The following HRH2 variants were observed in gnomAD, a reference collection of about 807,000 sequenced individuals.
HRH2 encodes the protein histamine receptor H2.
Under a neutral mutation model 20.1 loss-of-function variants are expected in HRH2, and 4 were observed. That is an observed-to-expected ratio of 0.20 (90% CI 0.10 to 0.45). The LOEUF is 0.45. HRH2 is among the 20% of genes least tolerant of loss of function. The pLI is 0.99. For synonymous variants in HRH2, 197 were observed against 200.7 expected (o/e 0.98, Z 0.16); for missense variants, 250 against 461.6 (o/e 0.54, Z 4.20).
chr5:175,669,005 T>A (rs1404890840), intron 1 of HRH2, among the ~76,000 whole-genome samples: 1 of 152,182 alleles, frequency 6.6e-6, no homozygotes, highest in Non-Finnish European at 1.5e-5. Flanking sequence ...TTTTGTGAGA[T>A]GGGGTCTCCT....
chr5:175,680,485 C>G (rs1048588551), intron 1 of HRH2, among the ~76,000 whole-genome samples: 1 of 152,176 alleles, frequency 6.6e-6, no homozygotes, highest in African/African-American at 2.4e-5. Context: ...TTTCTGTACA[C>G]CTCAGGGATA....
At chr5:175,660,402 G>GGA (rs1762705831) in intron 1 of HRH2, among the ~76,000 whole-genome samples, 3 of 152,216 alleles carry the variant, frequency 2.0e-5, no homozygotes, top group Non-Finnish European at 4.4e-5. Context: ...ACGCCCATGT[G>GGA]ACCACCAAAA....
rs1283487518 is a variant in HRH2 at position 175,683,056 on chromosome 5, A to G, written c.-178A>G. The G allele has an allele frequency of 5.6e-6, 4 of 709,384 alleles. No homozygotes were observed. The highest frequency in any genetic ancestry group is 9.4e-6 in the Non-Finnish European group (4 of 424,356). 43.9% of individuals were successfully genotyped at this position (709,384 alleles called of 1,614,324 possible). On this transcript the variant is annotated 5_prime_UTR_variant, in exon 2 of 3. Transcript: ENST00000636584. ...TAATTTATTTCTAGAAAAGCAGCCC[A>G]GAGTCAGTCATTGAAGCCTTCCCCA...
chr5:175,663,444 T>G (rs772700217), intron 1 of HRH2, among the ~76,000 whole-genome samples: 4 of 152,208 alleles, frequency 2.6e-5, no homozygotes, highest in Non-Finnish European at 5.9e-5. Context: ...TGTTGGCCAT[T>G]TGTGTATCTT....
In HRH2 at chr5:175,683,112, A is replaced by AAATGG; in HGVS notation, c.-122_-121insAATGG. ...TGGCCAAAAAAAAAAAAAAAAAAAAACTGGACACATTTTGGATCTGTTGGG... is the reference window on the plus strand; with the variant it reads ...TGGCCAAAAAAAAAAAAAAAAAAAAAAATGGCTGGACACATTTTGGATCTGTTGGG... On this transcript the variant is annotated 5_prime_UTR_variant, in exon 2 of 3. In the 5' UTR this introduces an upstream ATG that the reference lacks. Coordinates refer to ENST00000636584, the MANE Select transcript of HRH2 (RefSeq NM_001367711.1). 8.3e-7 allele frequency: 1 copy of AAATGG among 1,207,488 alleles called. No individual in the cohort carries two copies. 74.8% of individuals were successfully genotyped at this position (1,207,488 alleles called of 1,614,324 possible). A position where few individuals can be genotyped will look rare whatever the true frequency, so the allele number is the denominator to read the frequency against.
intron 1 of HRH2, 150 bp from the exon 2 acceptor site, chr5:175,682,559 A>G (rs1455639166): frequency 6.6e-6 from 1 of 152,418 alleles, no homozygotes; most frequent in Non-Finnish European, 1.5e-5. Context: ...TGATTGCCCA[A>G]GTCCCTCCCA....
rs757833287 is a variant in HRH2, at chr5:175,681,846, G to A, written c.-525-863G>A. The stretch of plus-strand genomic sequence containing the variant: ...CCTGCTGACCTGGATGTGGGATCAC[G>A]TGTTCTGCCAAGTAAGACCAGTAAG... On this transcript the variant is annotated intron_variant, in intron 1 of 2. Coordinates refer to ENST00000636584, the MANE Select transcript of HRH2 (RefSeq NM_001367711.1). This position sits in a 1 kb window ranked among gnomAD's most constrained non-coding sequence, Gnocchi z 4.3. Among the ~76,000 whole-genome samples, 23 of 152,206 alleles carry A rather than the reference G, an allele frequency of 1.5e-4. No homozygotes were observed. Among genetic ancestry groups the A allele is most frequent in the Admixed American group, 7.2e-4 (11 of 15,286 alleles).
rs552623741 is a variant in HRH2 at position 175,686,257 on chromosome 5, T to C, written c.1076+1948T>C. 5 of 152,388 alleles carry C rather than the reference T, an allele frequency of 3.3e-5. No homozygotes were observed. The highest frequency in any genetic ancestry group is 1.2e-4 in the African/African-American group (5 of 41,590). 9.4% of individuals were successfully genotyped at this position (152,388 alleles called of 1,614,324 possible). On this transcript the variant is annotated intron_variant, in intron 2 of 2. Coordinates refer to ENST00000636584, the MANE Select transcript of HRH2 (RefSeq NM_001367711.1). This position sits in a 1 kb window ranked among gnomAD's most constrained non-coding sequence, Gnocchi z 4.7. Reference sequence around the variant, plus strand: ...TTCAGCTAGAAGGTGGTTGCCACTCTTGGGTTTAGTCTTGTATATCACTTT... The same window carrying C: ...TTCAGCTAGAAGGTGGTTGCCACTCCTGGGTTTAGTCTTGTATATCACTTT...
chr5:175,663,362 G>C (rs1164301293), intron 1 of HRH2, among the ~76,000 whole-genome samples: 1 of 152,188 alleles, frequency 6.6e-6, no homozygotes, highest in Non-Finnish European at 1.5e-5. Context: ...TTGTGGGTGT[G>C]AAGTCGTGTC....
chr5:175,659,147 G>T (rs1346689336), intron 1 of HRH2, among the ~76,000 whole-genome samples: 1 of 152,156 alleles, frequency 6.6e-6, no homozygotes, highest in Non-Finnish European at 1.5e-5. Context: ...AATGTGGGGG[G>T]CCCAGAAGCT....
Position 175,683,607 on chromosome 5 carries a change from G to A in HRH2, c.374G>A (p.Arg125Gln), listed in dbSNP as rs749818733. The change falls in exon 2 of 3, where the codon CGG becomes CAG. Residue 125 changes from arginine to glutamine, a missense_variant. Arg to Gln is a conservative substitution (Grantham distance 43, BLOSUM62 1). Around this residue, in one of 5 missense-constraint regions of HRH2, gnomAD observed 86 missense variants for 176.4 expected, o/e 0.49. Transcript: ENST00000636584. ...DRYCAVMDPL[R>Q]YPVLVTPVRV... ...TACTGCGCTGTCATGGACCCACTGC[G>A]GTACCCTGTGCTGGTCACCCCAGTT... is the stretch of plus-strand genomic sequence containing the variant. The A allele has an allele frequency of 1.3e-5, 21 of 1,613,978 alleles. No homozygotes were observed. The highest frequency in any genetic ancestry group is 1.6e-4 in the Middle Eastern group (1 of 6,084).
At chr5:175,669,484 C>T (rs1364889869) in intron 1 of HRH2, among the ~76,000 whole-genome samples, 2 of 152,002 alleles carry the variant, frequency 1.3e-5, no homozygotes, top group African/African-American at 4.8e-5. Context: ...CTGCCTCAGC[C>T]TCCTGAGTAG....
intron 2 of HRH2, among the ~76,000 whole-genome samples, chr5:175,703,629 A>G (rs999120135): frequency 2.0e-5 from 3 of 152,326 alleles, no homozygotes; most frequent in Admixed American, 1.3e-4. Context: ...CAACAAAACC[A>G]AACTTTAGTA....
rs910983815 is a variant in HRH2 at position 175,709,393 on chromosome 5, C to G, written c.*1422C>G. The G allele has an allele frequency of 1.3e-5, 2 of 152,240 alleles. No individual in the cohort carries two copies. The highest frequency in any genetic ancestry group is 2.9e-5 in the Non-Finnish European group (2 of 68,066). The allele number at this position is 152,240 out of a possible 1,614,324, so 9.4% of individuals were successfully genotyped here. A position where few individuals can be genotyped will look rare whatever the true frequency, so the allele number is the denominator to read the frequency against. On this transcript the variant is annotated 3_prime_UTR_variant, in exon 3 of 3. Transcript: ENST00000636584. ...GGCACGAGGTTTGGTTATGAAATCA[C>G]TCACAGATTTATAACTGCAGGCTTG...
intron 2 of HRH2, among the ~76,000 whole-genome samples, chr5:175,702,281 G>T (rs376739227): frequency 2.0e-5 from 3 of 151,632 alleles, no homozygotes; most frequent in East Asian, 3.9e-4. Context: ...GAAAAAAATG[G>T]GACAAATTTA....
intron 2 of HRH2, among the ~76,000 whole-genome samples, chr5:175,690,164 A>G (rs1199055704): frequency 1.3e-5 from 2 of 151,114 alleles, no homozygotes; most frequent in African/African-American, 2.4e-5. Flanking sequence ...TTTGCATTAC[A>G]CCCAGGGCAG....
rs1420918531 is a variant in HRH2, at chr5:175,684,305, G to C, written c.1072G>C (p.Asp358His). 18 of 1,613,706 alleles carry C rather than the reference G, an allele frequency of 1.1e-5. No homozygotes were observed. The highest frequency in any genetic ancestry group is 1.4e-5 in the Non-Finnish European group (16 of 1,179,864). The change falls in exon 2 of 3, where the codon GAC (aspartate) becomes CAC (histidine). Residue 358 changes from aspartate to histidine, a missense_variant. Coordinates refer to ENST00000636584, the MANE Select transcript of HRH2 (RefSeq NM_001367711.1). ...AGTCACGGCCCCCCAGGGAGCCACA[G>C]ACAGGTAATAGCCCTAGCCATTGGT... ...TEVTAPQGAT[D>H]RKPALSCTTC...
chr5:175,660,260 A>G (rs1258808529), intron 1 of HRH2, among the ~76,000 whole-genome samples: 1 of 152,250 alleles, frequency 6.6e-6, no homozygotes, highest in East Asian at 1.9e-4. Context: ...TTGCCAAAAA[A>G]TGTTTTAAAG....
chr5:175,696,142 G>A (rs1756568619), intron 2 of HRH2, among the ~76,000 whole-genome samples: 1 of 152,390 alleles, frequency 6.6e-6, no homozygotes, highest in South Asian at 2.1e-4. Flanking sequence ...CTGTGTGTGA[G>A]CCACCGTTGG....
Sources: gnomAD v4.1 joint callset for allele counts (sites outside exome capture counted in the v4.1 genomes callset) on GRCh38, gnomAD v4.1.1 for gene constraint, gnomAD v4.1.1 regional missense constraint, Gnocchi (gnomAD v3.1) non-coding constraint, MANE v1.5 for transcripts, NCBI Gene and HGNC (gene_info 2026-07-23, HGNC 2026-07-21) for gene names.